Variants in DLG2 observed in about 807,000 individuals in gnomAD.
The protein encoded by DLG2 is discs large MAGUK scaffold protein 2.
A neutral mutation model predicts 132.5 loss-of-function variants in DLG2; 45 were observed. The observed-to-expected ratio is 0.34, with a 90% confidence interval of 0.27 to 0.44. DLG2 has a LOEUF of 0.44. DLG2 is among the 20% of genes least tolerant of loss of function. DLG2 has a pLI of 1.00. For missense variants in DLG2, 1,045 were observed against 1,196.9 expected, an observed-to-expected ratio of 0.87 and a Z score of 1.87; for synonymous variants, 424 against 419.6, an observed-to-expected ratio of 1.01 and a Z score of -0.13.
chr11:85,613,852 G>C (rs2081170307), intron 2 of DLG2, among the ~76,000 whole-genome samples: 1 of 152,188 alleles, frequency 6.6e-6, no homozygotes, highest in African/African-American at 2.4e-5. Flanking sequence ...CACTCTTTGG[G>C]TATGTGCCAC....
At chr11:84,507,435 G>A (rs1264310659) in intron 7 of DLG2, among the ~76,000 whole-genome samples, 1 of 152,184 alleles carries the variant, frequency 6.6e-6, no homozygotes, top group Non-Finnish European at 1.5e-5. Context: ...TTAACATGAA[G>A]TGCTACTTTA....
chr11:84,916,216 G>T (rs558105701), intron 6 of DLG2, among the ~76,000 whole-genome samples: 71 of 150,298 alleles, frequency 4.7e-4, no homozygotes, highest in Middle Eastern at 3.5e-3. Context: ...GGGCGTAGTG[G>T]CGGGCGCCTG....
rs1488174213 is a variant in DLG2, at chr11:83,456,680, CG to C, written c.*3137del. The C allele has an allele frequency of 5.3e-5, 8 of 149,684 alleles. No individual in the cohort carries two copies. Among genetic ancestry groups the C allele is most frequent in the Non-Finnish European group, 8.9e-5 (6 of 67,650 alleles). The allele number at this position is 149,684 out of a possible 1,614,324, so 9.3% of individuals were successfully genotyped here. ...AAAAAAAAAAAGAGATGGAATTAGT[CG>C]GAAGTAGAAGGAGGAGGAGAGTAAG... On this transcript the variant is annotated 3_prime_UTR_variant, in exon 28 of 28. Transcript: ENST00000376104.
At chr11:84,150,010 C>A (rs769201981) in intron 9 of DLG2, among the ~76,000 whole-genome samples, 21 of 152,166 alleles carry the variant, frequency 1.4e-4, no homozygotes, top group Admixed American at 1.3e-4. Context: ...CCCACCTTAG[C>A]CTCCCAAACT....
At chr11:84,545,535 T>G in intron 6 of DLG2, 1 of 392,126 alleles carries the variant, frequency 2.6e-6, no homozygotes. Flanking sequence ...AGCCTTCTCT[T>G]GCTTTGACAG....
At chr11:84,849,965 T>A (rs2081983642) in intron 6 of DLG2, among the ~76,000 whole-genome samples, 1 of 152,282 alleles carries the variant, frequency 6.6e-6, no homozygotes, top group Non-Finnish European at 1.5e-5. Context: ...TATTATGATA[T>A]CTAACTGCCT....
intron 18 of DLG2, among the ~76,000 whole-genome samples, chr11:83,723,811 G>A (rs549800826): frequency 3.9e-4 from 59 of 152,130 alleles, no homozygotes; most frequent in African/African-American, 1.4e-3. Flanking sequence ...AGCCAAGATC[G>A]CACCACTGCA....
At chr11:85,521,647 T>G (rs2153178373) in intron 3 of DLG2, among the ~76,000 whole-genome samples, 1 of 152,290 alleles carries the variant, frequency 6.6e-6, no homozygotes, top group Middle Eastern at 3.4e-3. Context: ...CCTAGGGACT[T>G]ACTGAATGGC....
intron 7 of DLG2, among the ~76,000 whole-genome samples, chr11:84,512,721 C>T (rs958311901): frequency 6.6e-6 from 1 of 151,206 alleles, no homozygotes; most frequent in African/African-American, 2.4e-5. Flanking sequence ...GATAATATAG[C>T]AAAGTGCTGA....
At position 85,598,780 on chromosome 11, in the gene DLG2, G is replaced by T; in HGVS notation, c.-84C>A. 1.9e-6 allele frequency: 2 copies of T among 1,073,096 alleles called. No individual in the cohort carries two copies. Among genetic ancestry groups the T allele is most frequent in the South Asian group, 1.8e-5 (1 of 56,458 alleles). 66.5% of individuals were successfully genotyped at this position (1,073,096 alleles called of 1,614,324 possible). On this transcript the variant is annotated 5_prime_UTR_variant, in exon 3 of 28. Coordinates refer to ENST00000376104, the MANE Select transcript of DLG2 (RefSeq NM_001142699.3). ...TATTCTTCCAGTAATGATAAAGCTC[G>T]GTCAGTATCTGAAAAACATGATATT... is the stretch of plus-strand genomic sequence containing the variant.
chr11:85,240,180 T>C (rs542582945), intron 4 of DLG2, among the ~76,000 whole-genome samples: 1 of 152,030 alleles, frequency 6.6e-6, no homozygotes, highest in South Asian at 2.1e-4. Flanking sequence ...TATTGGCTAC[T>C]TATGTTTCCT....
chr11:84,204,742 G>C (rs2096643630), intron 8 of DLG2, among the ~76,000 whole-genome samples: 1 of 152,048 alleles, frequency 6.6e-6, no homozygotes, highest in Admixed American at 6.5e-5. Context: ...TTTTGAGATA[G>C]AGTCTCATTC....
At chr11:83,801,880 G>A (rs1418507713) in intron 17 of DLG2, among the ~76,000 whole-genome samples, 2 of 152,022 alleles carry the variant, frequency 1.3e-5, no homozygotes, top group East Asian at 3.9e-4. Context: ...CTAATGAATG[G>A]TTATAACTAT....
intron 15 of DLG2, among the ~76,000 whole-genome samples, chr11:83,889,753 T>A (rs539762272): frequency 2.2e-3 from 328 of 152,144 alleles, no homozygotes; most frequent in African/African-American, 7.5e-3. Context: ...ATGTGGCACA[T>A]ATACACCATG....
chr11:84,092,561 T>C (rs565332640), intron 10 of DLG2, among the ~76,000 whole-genome samples: 9 of 152,308 alleles, frequency 5.9e-5, no homozygotes, highest in Non-Finnish European at 1.2e-4. Flanking sequence ...AGTTGTTCTT[T>C]CAGGAGAAAG....
At chr11:84,208,925 G>T (rs76862315) in intron 8 of DLG2, among the ~76,000 whole-genome samples, 5,001 of 152,202 alleles carry the variant, frequency 0.033, 265 homozygotes, top group African/African-American at 0.11. Context: ...GGTTAGAATA[G>T]AACTGGAGTA....
intron 17 of DLG2, among the ~76,000 whole-genome samples, chr11:83,810,291 C>T (rs2046928978): frequency 6.6e-6 from 1 of 151,988 alleles, no homozygotes; most frequent in Non-Finnish European, 1.5e-5. Context: ...TTATCAAATG[C>T]TGTGTGCAAT....
At chr11:84,077,359 C>T (rs549088779) in intron 10 of DLG2, among the ~76,000 whole-genome samples, 1 of 152,286 alleles carries the variant, frequency 6.6e-6, no homozygotes, top group African/African-American at 2.4e-5. Flanking sequence ...AATGAGATCT[C>T]GTTAGTTCTC....
At chr11:85,517,444 G>A (rs1300184559) in intron 3 of DLG2, among the ~76,000 whole-genome samples, 1 of 152,092 alleles carries the variant, frequency 6.6e-6, no homozygotes, top group Non-Finnish European at 1.5e-5. Flanking sequence ...CAATCAGGAA[G>A]TAGAAAGAAA....
Sources: gnomAD v4.1 joint callset for allele counts (sites outside exome capture counted in the v4.1 genomes callset) on GRCh38, gnomAD v4.1.1 for gene constraint, MANE v1.5 for transcripts, NCBI Gene and HGNC (gene_info 2026-07-23, HGNC 2026-07-21) for gene names.